Variants in GXYLT1 observed in about 807,000 individuals in gnomAD.
The protein encoded by GXYLT1 is glycosyltransferase 8 domain containing 3.
In GXYLT1, 29 loss-of-function variants were observed where a neutral mutation model predicts 54.0. The ratio of observed to expected loss-of-function variants is 0.54; its 90% CI spans 0.40 to 0.73. The LOEUF is 0.73. Ranked by LOEUF, GXYLT1 falls within the 30% of genes least tolerant of loss-of-function variation. The probability of loss-of-function intolerance (pLI) is 0.00; values close to 1 mark genes in which losing one functional copy is unlikely to be tolerated. For missense variants in GXYLT1, 490 were observed against 553.4 expected, an observed-to-expected ratio of 0.89 and a Z score of 1.15; for synonymous variants, 176 against 204.1, an observed-to-expected ratio of 0.86 and a Z score of 1.17.
intron 5 of GXYLT1, among the ~76,000 whole-genome samples, chr12:42,100,618 A>C (rs1042115247): frequency 1.3e-5 from 2 of 151,984 alleles, no homozygotes; most frequent in African/African-American, 4.8e-5. Flanking sequence ...CTTGTGTGAA[A>C]TTTCTTAGAA....
chr12:42,100,542 G>A (rs1180367852), intron 5 of GXYLT1, among the ~76,000 whole-genome samples: 1 of 150,824 alleles, frequency 6.6e-6, no homozygotes, highest in Admixed American at 6.6e-5. Flanking sequence ...AAAAGAGAAG[G>A]CCAGAATTCA....
chr12:42,125,040 T>G (rs185924321), intron 2 of GXYLT1, among the ~76,000 whole-genome samples: 334 of 152,222 alleles, frequency 2.2e-3, no homozygotes, highest in African/African-American at 7.7e-3. Flanking sequence ...TGGATGAAGA[T>G]TCACAGTCAC....
At chr12:42,130,073 T>C (rs74078171) in intron 1 of GXYLT1, among the ~76,000 whole-genome samples, 4 of 152,170 alleles carry the variant, frequency 2.6e-5, no homozygotes, top group Admixed American at 6.5e-5. Context: ...GACTATACTA[T>C]AGATTGGGAA....
intron 3 of GXYLT1, among the ~76,000 whole-genome samples, chr12:42,115,000 C>A (rs1209507412): frequency 1.3e-5 from 2 of 152,144 alleles, no homozygotes; most frequent in Admixed American, 1.3e-4. Context: ...AAACGTAATC[C>A]AGCATATAAA....
Position 42,083,411 on chromosome 12 carries a change from T to C in GXYLT1, c.*4375A>G, listed in dbSNP as rs565554120. The C allele has an allele frequency of 6.9e-4, 105 of 152,378 alleles. 1 individual carries two copies. Among genetic ancestry groups the C allele is most frequent in the Admixed American group, 6.9e-3 (105 of 15,308 alleles). The allele number at this position is 152,378 out of a possible 1,614,324, so 9.4% of individuals were successfully genotyped here. A position where few individuals can be genotyped will look rare whatever the true frequency, so the allele number is the denominator to read the frequency against. ...ATATTAAAATGCAATAAGGCAATTATTGTTTTTAAGACACTTGAAATTGCA... is the reference window on the plus strand; with the variant it reads ...ATATTAAAATGCAATAAGGCAATTACTGTTTTTAAGACACTTGAAATTGCA... On this transcript the variant is annotated 3_prime_UTR_variant, in exon 8 of 8. Coordinates refer to ENST00000398675, the MANE Select transcript of GXYLT1 (RefSeq NM_173601.2).
At chr12:42,093,436 G>C (rs1271793626) in intron 7 of GXYLT1, among the ~76,000 whole-genome samples, 1 of 151,956 alleles carries the variant, frequency 6.6e-6, no homozygotes, top group Non-Finnish European at 1.5e-5. Flanking sequence ...TTTTAATGGA[G>C]TTGATACTTA....
chr12:42,103,651 T>C (rs534410651), intron 5 of GXYLT1, among the ~76,000 whole-genome samples: 1 of 152,292 alleles, frequency 6.6e-6, no homozygotes, highest in South Asian at 2.1e-4. Context: ...TAATAAAATA[T>C]TTGAAAACAA....
At chr12:42,117,383 C>G (rs1394385209) in intron 3 of GXYLT1, among the ~76,000 whole-genome samples, 2 of 151,812 alleles carry the variant, frequency 1.3e-5, no homozygotes, top group African/African-American at 4.8e-5. Context: ...AGAAGGTATA[C>G]TTTCATATAC....
intron 1 of GXYLT1, among the ~76,000 whole-genome samples, chr12:42,132,986 T>A (rs2065600773): frequency 6.6e-6 from 1 of 152,060 alleles, no homozygotes; most frequent in African/African-American, 2.4e-5. Flanking sequence ...GACACTTCTA[T>A]TAATAAGTAG....
intron 3 of GXYLT1, among the ~76,000 whole-genome samples, chr12:42,115,287 C>G (rs1252338059): frequency 2.0e-5 from 3 of 152,186 alleles, no homozygotes; most frequent in South Asian, 4.1e-4. Context: ...CCAGGGCAAT[C>G]AGGCAGGAGA....
intron 3 of GXYLT1, among the ~76,000 whole-genome samples, chr12:42,116,239 A>T (rs1198055237): frequency 2.6e-5 from 4 of 152,096 alleles, no homozygotes. Flanking sequence ...TCATGTCTAA[A>T]ACACCAAAAG....
rs2065289412 is a variant in GXYLT1 at position 42,085,810 on chromosome 12, A to AC, written c.*1975dup. On this transcript the variant is annotated 3_prime_UTR_variant, in exon 8 of 8. Transcript: ENST00000398675. ...ATCGTGGTATCTACCCAAAGTGTTC[A>AC]CAGCAGTGAAATAACACAATGTATG... The AC allele has an allele frequency of 6.7e-6, 1 of 150,090 alleles. No homozygotes were observed. Among genetic ancestry groups the AC allele is most frequent in the African/African-American group, 2.5e-5 (1 of 40,686 alleles). 9.3% of individuals were successfully genotyped at this position (150,090 alleles called of 1,614,324 possible).
At chr12:42,133,999 C>G (rs1592126305) in intron 1 of GXYLT1, among the ~76,000 whole-genome samples, 1 of 151,988 alleles carries the variant, frequency 6.6e-6, no homozygotes, top group East Asian at 1.9e-4. Context: ...GAGTTCAACA[C>G]CAGCCTGGGC....
chr12:42,102,824 TATTC>T (rs1309233278), intron 5 of GXYLT1, among the ~76,000 whole-genome samples: 2 of 152,148 alleles, frequency 1.3e-5, no homozygotes, highest in South Asian at 2.1e-4. Flanking sequence ...TAACCAATGT[TATTC>T]ATTATCTAGC....
At chr12:42,116,753 T>C (rs1461160703) in intron 3 of GXYLT1, among the ~76,000 whole-genome samples, 1 of 152,160 alleles carries the variant, frequency 6.6e-6, no homozygotes, top group Non-Finnish European at 1.5e-5. Flanking sequence ...AGAAATACCA[T>C]TTGACCCAGC....
intron 5 of GXYLT1, among the ~76,000 whole-genome samples, chr12:42,098,456 T>TCA (rs3990975): frequency 0.78 from 117,736 of 151,636 alleles, 46,053 homozygotes; most frequent in African/African-American, 0.85. Context: ...GCTATTAGTC[T>TCA]GATTTATTTG....
intron 1 of GXYLT1, among the ~76,000 whole-genome samples, chr12:42,132,864 C>T (rs2065600334): frequency 1.3e-5 from 2 of 152,122 alleles, no homozygotes; most frequent in South Asian, 4.2e-4. Context: ...TATTGAACAA[C>T]TCAGTAACGA....
At chr12:42,134,604 A>AC (rs922231493) in intron 1 of GXYLT1, among the ~76,000 whole-genome samples, 3 of 152,128 alleles carry the variant, frequency 2.0e-5, no homozygotes, top group African/African-American at 7.2e-5. Flanking sequence ...TCCCTGCTTT[A>AC]CCCATTTCCC....
rs1180229115 is a variant in GXYLT1 at position 42,127,569 on chromosome 12, A to G, written c.314+2190T>C. 2.0e-5 allele frequency among the ~76,000 whole-genome samples: 3 copies of G among 152,354 alleles called. No individual in the cohort carries two copies. In the East Asian group the frequency reaches 5.8e-4, roughly 29 times the overall value. On this transcript the variant is annotated intron_variant, in intron 2 of 7. Transcript: ENST00000398675. ...CCAAAACAAAAGGAATGGTAAGCAG[A>G]GAGTCCAGGATTCCGACTAGGTAAA...
Sources: allele counts gnomAD v4.1 joint callset (sites outside exome capture counted in the v4.1 genomes callset), GRCh38; gene constraint gnomAD v4.1.1; transcripts MANE v1.5; gene names NCBI Gene and HGNC (gene_info 2026-07-23, HGNC 2026-07-21).